The following CMSS1 variants were observed in gnomAD, a reference collection of about 807,000 sequenced individuals.
CMSS1 encodes cms1 ribosomal small subunit homolog.
In CMSS1, 33 loss-of-function variants were observed where a neutral mutation model predicts 43.5. The observed-to-expected ratio is 0.76, with a 90% CI of 0.57 to 1.01. The LOEUF is 1.01. Among genes scored for constraint, CMSS1 ranks in the 50% least tolerant of loss-of-function variants. The probability of loss-of-function intolerance (pLI) is 0.00; values close to 1 mark genes in which losing one functional copy is unlikely to be tolerated. For synonymous variants in CMSS1, 115 were observed against 117.2 expected (o/e 0.98, Z 0.12); for missense variants, 313 against 326.4 (o/e 0.96, Z 0.32).
intron 1 of CMSS1, among the ~76,000 whole-genome samples, chr3:99,856,575 G>A (rs1328778403): frequency 6.6e-6 from 1 of 152,194 alleles, no homozygotes; most frequent in African/African-American, 2.4e-5. Flanking sequence ...TCTTATTACA[G>A]CTTTCCGTTA....
chr3:99,967,286 A>C (rs1398659977), intron 1 of CMSS1, among the ~76,000 whole-genome samples: 1 of 152,194 alleles, frequency 6.6e-6, no homozygotes, highest in Admixed American at 6.5e-5. Context: ...TCATGAGGTT[A>C]TTTAGAGGAT....
At position 100,162,386 on chromosome 3, in the gene CMSS1, T is replaced by G; in HGVS notation, c.309T>G (p.Tyr103Ter). 1 of 1,613,602 alleles carries G rather than the reference T, an allele frequency of 6.2e-7. No homozygotes were observed. Among genetic ancestry groups the G allele is most frequent in the Non-Finnish European group, 8.5e-7 (1 of 1,179,622 alleles). ...EDLQKLMKDY[Y>*]SSRRLVIELE... ...TACAGAAGCTGATGAAGGACTATTA[T>G]AGCAGCAGACGCTTGGTGATTGAAT... The change falls in exon 4 of 10, where the codon TAT (tyrosine) becomes TAG (stop). Residue 103 changes from tyrosine to a stop codon, truncating the protein, a stop_gained. Transcript: ENST00000421999. LOFTEE classifies it high-confidence loss of function.
intron 1 of CMSS1, among the ~76,000 whole-genome samples, chr3:99,829,851 T>C (rs1229381255): frequency 6.6e-6 from 1 of 152,242 alleles, no homozygotes; most frequent in Admixed American, 6.5e-5. Flanking sequence ...TATTCGGCTG[T>C]TATTCACTTT....
intron 1 of CMSS1, among the ~76,000 whole-genome samples, chr3:99,977,183 A>G (rs1311024498): frequency 6.6e-6 from 1 of 152,236 alleles, no homozygotes; most frequent in African/African-American, 2.4e-5. Flanking sequence ...TGTAAGAGGC[A>G]TAAGGCTGGA....
At chr3:100,047,041 G>A (rs945044185) in intron 1 of CMSS1, among the ~76,000 whole-genome samples, 7 of 152,184 alleles carry the variant, frequency 4.6e-5, no homozygotes, top group African/African-American at 1.4e-4. Context: ...AAGATAAAAT[G>A]TAAAGGGTAT....
chr3:99,847,786 T>A (rs979609097), intron 1 of CMSS1: 2 of 202,340 alleles, frequency 9.9e-6, no homozygotes, highest in Non-Finnish European at 1.8e-5. Context: ...TAATATGTGA[T>A]TAGAAGTTGA....
At chr3:100,125,323 C>T (rs1435974966) in intron 1 of CMSS1, among the ~76,000 whole-genome samples, 7 of 152,106 alleles carry the variant, frequency 4.6e-5, no homozygotes, top group African/African-American at 7.2e-5. Flanking sequence ...AAGGGAAGAG[C>T]GGGACACATC....
chr3:99,971,133 C>G (rs994848743), intron 1 of CMSS1, among the ~76,000 whole-genome samples: 9 of 152,030 alleles, frequency 5.9e-5, no homozygotes, highest in African/African-American at 7.2e-5. Flanking sequence ...GTCAGGAGAT[C>G]GAGACCATCC....
At chr3:99,966,338 T>G (rs902105465) in intron 1 of CMSS1, among the ~76,000 whole-genome samples, 1 of 152,116 alleles carries the variant, frequency 6.6e-6, no homozygotes, top group Admixed American at 6.5e-5. Flanking sequence ...CCTTTCTGTT[T>G]CTTTCATAGC....
At chr3:100,087,536 T>C (rs2066031431) in intron 1 of CMSS1, among the ~76,000 whole-genome samples, 1 of 152,216 alleles carries the variant, frequency 6.6e-6, no homozygotes, top group Non-Finnish European at 1.5e-5. Context: ...GTATAGTCTT[T>C]AGTGAGGCAT....
chr3:100,156,655 G>T (rs904980878), intron 2 of CMSS1, among the ~76,000 whole-genome samples: 3 of 150,702 alleles, frequency 2.0e-5, no homozygotes, highest in East Asian at 2.0e-4. Context: ...TCGCTCTGTC[G>T]CCCGGGCTGG....
At position 100,160,475 on chromosome 3, in the gene CMSS1, AC is replaced by A; in HGVS notation, c.201del (p.Thr68ProfsTer31). 3 of 1,512,412 alleles carry A rather than the reference AC, an allele frequency of 2.0e-6. No homozygotes were observed. Among genetic ancestry groups the A allele is most frequent in the South Asian group, 1.1e-5 (1 of 87,896 alleles). The allele number at this position is 1,512,412 out of a possible 1,614,324, so 93.7% of individuals were successfully genotyped here. On this transcript the variant is annotated frameshift_variant, in exon 3 of 10. Transcript: ENST00000421999. LOFTEE classifies it high-confidence loss of function. ...ACAACCAAAGGAAAGAAAAGAGAAT[AC>A]CACCAAGACCAGGAAAAGAAGAAAG... is the stretch of plus-strand genomic sequence containing the variant. Reference protein sequence around the residue: ...LIQPKERKENTTKTRKRRKKK... With the variant: ...LIQPKERKENXTKTRKRRKKK...
chr3:99,979,973 G>A (rs1258852082), intron 1 of CMSS1, among the ~76,000 whole-genome samples: 2 of 152,104 alleles, frequency 1.3e-5, no homozygotes, highest in Non-Finnish European at 2.9e-5. Flanking sequence ...TTTGAAGGAG[G>A]TGGTATGTAA....
chr3:100,018,614 A>G (rs979514646), intron 1 of CMSS1, among the ~76,000 whole-genome samples: 1 of 151,866 alleles, frequency 6.6e-6, no homozygotes. Flanking sequence ...GTAGAAAACA[A>G]AAAAAAATGC....
Position 99,819,817 on chromosome 3 carries a change from C to A in CMSS1, c.64+1774C>A, listed in dbSNP as rs376564384. Among the ~76,000 whole-genome samples the A allele has an allele frequency of 4.0e-5, 6 of 150,992 alleles. No individual in the cohort carries two copies. In the East Asian group the frequency reaches 5.9e-4, roughly 15 times the overall value. On this transcript the variant is annotated intron_variant, in intron 1 of 9. Coordinates refer to ENST00000421999, the MANE Select transcript of CMSS1 (RefSeq NM_032359.4). Reference sequence around the variant, plus strand: ...TCGCCCAGGCTGGAGTGCAGTGGCACGATCTCGGCTCACTGCAACCTCTGC... The same window carrying A: ...TCGCCCAGGCTGGAGTGCAGTGGCAAGATCTCGGCTCACTGCAACCTCTGC...
chr3:100,023,473 G>A (rs1270207665), intron 1 of CMSS1: 1 of 152,534 alleles, frequency 6.6e-6, no homozygotes, highest in Non-Finnish European at 1.5e-5. Context: ...AGTGAAGTCA[G>A]ACTAAAAAGA....
intron 1 of CMSS1, among the ~76,000 whole-genome samples, chr3:99,948,762 G>A (rs1708090282): frequency 6.6e-6 from 1 of 151,422 alleles, no homozygotes; most frequent in South Asian, 2.1e-4. Context: ...GAAAAGGAAG[G>A]AAGGAAAGAA....
Position 99,960,345 on chromosome 3 carries a change from G to C in CMSS1, c.64+142302G>C, listed in dbSNP as rs141770988. On this transcript the variant is annotated intron_variant, in intron 1 of 9. Coordinates refer to ENST00000421999, the MANE Select transcript of CMSS1 (RefSeq NM_032359.4). ...GAAAACGAGGGCTCCAAAAAGTTAA[G>C]TGGCAGAACCTGGATGTCAGATCAA... 2.2e-4 allele frequency among the ~76,000 whole-genome samples: 34 copies of C among 152,278 alleles called. No homozygotes were observed. In the East Asian group the frequency reaches 6.6e-3, roughly 29 times the overall value.
chr3:100,012,830 T>C (rs1398161218), intron 1 of CMSS1, among the ~76,000 whole-genome samples: 4 of 149,466 alleles, frequency 2.7e-5, no homozygotes, highest in Non-Finnish European at 5.9e-5. Context: ...TGGAGTGCAG[T>C]AGCATGATCC....
Sources: allele counts gnomAD v4.1 joint callset (sites outside exome capture counted in the v4.1 genomes callset), GRCh38; gene constraint gnomAD v4.1.1; transcripts MANE v1.5; gene names NCBI Gene and HGNC (gene_info 2026-07-23, HGNC 2026-07-21).